Variants in EP300 observed in about 807,000 individuals in gnomAD.
EP300 encodes EP300 lysine acetyltransferase.
Under a neutral mutation model 264.0 loss-of-function variants are expected in EP300, and 31 were observed. That is an observed-to-expected ratio of 0.12 (90% CI 0.09 to 0.16). The LOEUF is 0.16. EP300 is among the 10% of genes least tolerant of loss of function. The pLI is 1.00. For synonymous variants in EP300, 1,340 were observed against 1,045.4 expected, an observed-to-expected ratio of 1.28 and a Z score of -5.44; for missense variants, 2,766 against 3,052.9, an observed-to-expected ratio of 0.91 and a Z score of 2.21.
intron 9 of EP300, 79 bp downstream of exon 9, chr22:41,140,336 G>C: frequency 3.1e-6 from 3 of 960,528 alleles, no homozygotes; most frequent in Non-Finnish European, 5.1e-6. Context: ...GCATGTACAA[G>C]TAGTACATAT....
chr22:41,161,171 G>T (rs1208207213), intron 20 of EP300, among the ~76,000 whole-genome samples: 2 of 152,210 alleles, frequency 1.3e-5, no homozygotes, highest in Non-Finnish European at 2.9e-5. Context: ...CCCTTCTCTT[G>T]TAGGTTAACA....
chr22:41,117,851 T>G, intron 2 of EP300, 30 bp downstream of exon 2: 1 of 1,612,778 alleles, frequency 6.2e-7, no homozygotes, highest in Non-Finnish European at 8.5e-7. Context: ...GTGTGCACAA[T>G]CGGCATGCAT....
intron 5 of EP300, among the ~76,000 whole-genome samples, chr22:41,130,807 C>CTT (rs560195394): frequency 6.3e-5 from 9 of 143,484 alleles, no homozygotes; most frequent in Non-Finnish European, 1.2e-4. Context: ...TATAGAAGAG[C>CTT]TTTTTTTTTT....
intron 2 of EP300, among the ~76,000 whole-genome samples, chr22:41,124,560 G>A (rs12158776): frequency 6.6e-6 from 1 of 152,156 alleles, no homozygotes; most frequent in Non-Finnish European, 1.5e-5. Context: ...ACTTTGGGAA[G>A]CTGTGGTGGG....
rs551322744 is a variant in EP300, at chr22:41,177,680, A to G, written c.5969A>G (p.Gln1990Arg). 1 of 1,613,944 alleles carries G rather than the reference A, an allele frequency of 6.2e-7. No homozygotes were observed. Among genetic ancestry groups the G allele is most frequent in the South Asian group, 1.1e-5 (1 of 91,086 alleles). ...CCAGGGATGGGACCGACAGGGATGCAGCAACAGCCACCCTGGAGCCAAGGA... is the reference window on the plus strand; with the variant it reads ...CCAGGGATGGGACCGACAGGGATGCGGCAACAGCCACCCTGGAGCCAAGGA... ...LEPGMGPTGM[Q>R]QQPPWSQGGL... The change falls in exon 31 of 31, where the codon CAG becomes CGG. Residue 1990 changes from glutamine to arginine, a missense_variant. Physicochemically the swap from Gln to Arg is conservative, Grantham distance 43. Coordinates refer to ENST00000263253, the MANE Select transcript of EP300 (RefSeq NM_001429.4).
chr22:41,098,088 T>C (rs2058711755), intron 1 of EP300, among the ~76,000 whole-genome samples: 1 of 152,130 alleles, frequency 6.6e-6, no homozygotes, highest in African/African-American at 2.4e-5. Context: ...CATGTTGGTG[T>C]GCTGCACCCA....
intron 1 of EP300, among the ~76,000 whole-genome samples, chr22:41,104,585 C>T (rs1353074300): frequency 3.9e-5 from 6 of 152,028 alleles, no homozygotes; most frequent in African/African-American, 7.2e-5. Flanking sequence ...CCACCATGTC[C>T]GGCCTCATGT....
In EP300 at chr22:41,151,816, C is replaced by A; in HGVS notation, c.2818-17C>A. The A allele has an allele frequency of 6.2e-7, 1 of 1,612,458 alleles. No homozygotes were observed. The highest frequency in any genetic ancestry group is 8.5e-7 in the Non-Finnish European group (1 of 1,178,880). The stretch of plus-strand genomic sequence containing the variant: ...CTCTGCGTGTGTCTCACCTACTTCC[C>A]TTTTTTTTCTGCCCAGCTTTCCCAG... On this transcript the variant is annotated splice_polypyrimidine_tract_variant and intron_variant, in intron 14 of 30. Transcript: ENST00000263253.
Position 41,145,647 on chromosome 22 carries a change from G to A in EP300, c.2054-1092G>A, listed in dbSNP as rs146366619. Among the ~76,000 whole-genome samples the A allele has an allele frequency of 2.7e-3, 407 of 152,216 alleles. 1 individual carries two copies. Among genetic ancestry groups the A allele is most frequent in the African/African-American group, 9.4e-3 (390 of 41,570 alleles). On this transcript the variant is annotated intron_variant, in intron 10 of 30. Coordinates refer to ENST00000263253, the MANE Select transcript of EP300 (RefSeq NM_001429.4). ...TTATATTTTAGGTTTTTTTTGAGAC[G>A]GAGTCTCGCTCTGTCGCCCAGGCTG...
intron 25 of EP300, chr22:41,169,192 G>A (rs758729839): frequency 4.4e-5 from 24 of 541,130 alleles, no homozygotes; most frequent in East Asian, 6.5e-5. Flanking sequence ...CATACAAATC[G>A]GGTGGGAATT....
chr22:41,123,084 CCAAAA>C (rs2058861464), intron 2 of EP300, among the ~76,000 whole-genome samples: 1 of 151,974 alleles, frequency 6.6e-6, no homozygotes, highest in Non-Finnish European at 1.5e-5. Flanking sequence ...TTGTACCTGT[CCAAAA>C]CAGATGCTTC....
intron 1 of EP300, among the ~76,000 whole-genome samples, chr22:41,111,759 C>T (rs749441126): frequency 1.3e-4 from 20 of 151,578 alleles, no homozygotes; most frequent in South Asian, 2.1e-4. Flanking sequence ...AGGCTGGTCT[C>T]GAACACCCGA....
At chr22:41,111,988 C>T (rs1389770482) in intron 1 of EP300, among the ~76,000 whole-genome samples, 1 of 142,424 alleles carries the variant, frequency 7.0e-6, no homozygotes, top group African/African-American at 2.6e-5. Flanking sequence ...CCCGGGTTCA[C>T]GCCATCCTCC....
chr22:41,119,760 T>G (rs976632382), intron 2 of EP300, among the ~76,000 whole-genome samples: 37 of 152,238 alleles, frequency 2.4e-4, no homozygotes, highest in African/African-American at 8.9e-4. Flanking sequence ...GAGCTTGTAT[T>G]TTGATGAGAA....
chr22:41,109,829 C>G (rs1253900048), intron 1 of EP300, among the ~76,000 whole-genome samples: 8 of 151,788 alleles, frequency 5.3e-5, no homozygotes, highest in Admixed American at 5.3e-4. Context: ...ACCACCACCC[C>G]CCAAGATGTA....
chr22:41,146,675 A>G (rs2059012134), intron 10 of EP300, 64 bp from the exon 11 acceptor site: 3 of 1,368,486 alleles, frequency 2.2e-6, no homozygotes, highest in African/African-American at 1.4e-5. Context: ...TTGTGTGTGC[A>G]GTGAGTTTTT....
At chr22:41,131,658 A>G (rs1217713229) in intron 6 of EP300, 25 bp downstream of exon 6, 6 of 1,613,784 alleles carry the variant, frequency 3.7e-6, no homozygotes, top group East Asian at 2.2e-5. Context: ...TCCTAATAAC[A>G]TGGTATTGGT....
intron 20 of EP300, among the ~76,000 whole-genome samples, chr22:41,161,226 A>G (rs1014980852): frequency 1.3e-5 from 2 of 152,244 alleles, no homozygotes; most frequent in Admixed American, 6.5e-5. Flanking sequence ...CTTTAACAGC[A>G]TGCCGGGGTT....
At chr22:41,165,663 TCCAC>T (rs1044677099) in intron 22 of EP300, among the ~76,000 whole-genome samples, 1 of 152,232 alleles carries the variant, frequency 6.6e-6, no homozygotes, top group Non-Finnish European at 1.5e-5. Context: ...CCTCAGGTGA[TCCAC>T]CCACCTCGGC....
Sources: gnomAD v4.1 joint callset for allele counts (sites outside exome capture counted in the v4.1 genomes callset) on GRCh38, gnomAD v4.1.1 for gene constraint, MANE v1.5 for transcripts, NCBI Gene and HGNC (gene_info 2026-07-23, HGNC 2026-07-21) for gene names.